GAK: variants seen among roughly 807,000 people sequenced by gnomAD.
GAK encodes the protein cyclin-G-associated kinase.
In GAK, 79 loss-of-function variants were observed where a neutral mutation model predicts 143.9. The ratio of observed to expected loss-of-function variants is 0.55; its 90% CI spans 0.46 to 0.66. GAK has a LOEUF of 0.66. Among genes scored for constraint, GAK ranks in the 30% least tolerant of loss-of-function variants. GAK has a pLI of 0.00. For missense variants in GAK, 1,693 were observed against 1,779.7 expected (o/e 0.95, Z 0.88); for synonymous variants, 881 against 765.5 (o/e 1.15, Z -2.49).
At chr4:865,328 C>T (rs1750976676) in intron 22 of GAK, 84 bp from the exon 23 acceptor site, 1 of 1,569,706 alleles carries the variant, frequency 6.4e-7, no homozygotes, top group Non-Finnish European at 8.7e-7. Context: ...GTGCTCAGGG[C>T]CCTAGGAGCG....
At chr4:882,936 A>G (rs918927179) in intron 13 of GAK, 117 bp from the exon 14 acceptor site, 14 of 1,348,658 alleles carry the variant, frequency 1.0e-5, no homozygotes, top group Middle Eastern at 2.6e-4. Flanking sequence ...TGTCATGAAC[A>G]GGCGTCCACC....
intron 24 of GAK, chr4:859,393 A>G: frequency 6.6e-7 from 1 of 1,506,144 alleles, no homozygotes; most frequent in Non-Finnish European, 8.9e-7. Flanking sequence ...CAGCAGTGCC[A>G]GTGTCAGCAA....
intron 11 of GAK, chr4:886,754 C>A (rs1365983737): frequency 2.6e-5 from 4 of 152,240 alleles, no homozygotes; most frequent in African/African-American, 9.7e-5. Flanking sequence ...CTGCAGGAGC[C>A]ACAGCCCTGG....
intron 18 of GAK, among the ~76,000 whole-genome samples, chr4:871,891 G>T (rs896506836): frequency 6.6e-6 from 1 of 152,172 alleles, no homozygotes; most frequent in South Asian, 2.1e-4. Flanking sequence ...GCTCTCCAGC[G>T]GGCAGCAGGC....
chr4:908,252 C>A (rs1442649979), intron 4 of GAK, among the ~76,000 whole-genome samples: 1 of 152,194 alleles, frequency 6.6e-6, no homozygotes, highest in Non-Finnish European at 1.5e-5. Flanking sequence ...GCAAGGCTCA[C>A]ACAGCAGGCA....
chr4:894,656 G>A (rs890344771), intron 7 of GAK: 1 of 152,306 alleles, frequency 6.6e-6, no homozygotes, highest in Admixed American at 6.5e-5. Flanking sequence ...CCAGGTGACA[G>A]TGTTAAACGG....
intron 1 of GAK, among the ~76,000 whole-genome samples, chr4:928,038 C>A (rs1420261930): frequency 6.6e-6 from 1 of 152,208 alleles, no homozygotes; most frequent in Non-Finnish European, 1.5e-5. Context: ...GGCTACAAGG[C>A]TGGCTCGCCA....
chr4:877,239 A>G, intron 16 of GAK, 32 bp from the exon 17 acceptor site: 1 of 1,404,328 alleles, frequency 7.1e-7, no homozygotes, highest in South Asian at 1.2e-5. Context: ...AAAAATTTTA[A>G]AAACCCCCAA....
At chr4:864,548 G>A (rs904466155) in intron 23 of GAK, among the ~76,000 whole-genome samples, 12 of 152,168 alleles carry the variant, frequency 7.9e-5, no homozygotes, top group Admixed American at 2.6e-4. Context: ...ACCAGACGCC[G>A]CGGGAGGGCC....
intron 11 of GAK, chr4:888,629 G>A: frequency 1.7e-6 from 1 of 574,316 alleles, no homozygotes; most frequent in Non-Finnish European, 3.0e-6. Flanking sequence ...GCAGGGCCTT[G>A]CCCCCCAGGC....
intron 4 of GAK, among the ~76,000 whole-genome samples, chr4:905,684 A>G (rs540258603): frequency 6.9e-6 from 1 of 145,900 alleles, no homozygotes; most frequent in Non-Finnish European, 1.5e-5. Context: ...CACATTACAG[A>G]CGCCACACCA....
At chr4:879,608 TTGCAGGAGTTCTGACCGGTA>T (rs1714688090) in intron 15 of GAK, among the ~76,000 whole-genome samples, 1 of 152,226 alleles carries the variant, frequency 6.6e-6, no homozygotes, top group Non-Finnish European at 1.5e-5. Flanking sequence ...TGTGCTCGGT[TTGCAGGAGTTCTGACCGGTA>T]TGCACCCGAG....
chr4:884,104 A>G lies in GAK; in HGVS notation c.1206-18T>C, dbSNP rs778832307. The G allele has an allele frequency of 8.7e-6, 14 of 1,611,038 alleles. No individual in the cohort carries two copies. In the South Asian group the frequency reaches 1.5e-4, roughly 18 times the overall value. On this transcript the variant is annotated intron_variant, in intron 11 of 27. Transcript: ENST00000314167. ...TTGCATAACTGGAATTAAAAAGAAG[A>G]GAACTTGGTTATGACAAGAAACACT...
At position 884,069 on chromosome 4, in the gene GAK, A is replaced by G; in HGVS notation, c.1223T>C (p.Leu408Pro). 6.2e-7 allele frequency: 1 copy of G among 1,613,834 alleles called. No individual in the cohort carries two copies. The highest frequency in any genetic ancestry group is 1.7e-5 in the Admixed American group (1 of 60,022). ...TCTGGATGTGATGTAAGATATGTCC[A>G]GGTCACCCTTTGCATAACTGGAATT... ...QSVANYAKGDLDISYITSRIA... is the reference protein window; with the variant it reads ...QSVANYAKGDPDISYITSRIA... Residue 408 changes from leucine (L) to proline (P), a missense_variant, in exon 12 of 28, where the codon CTG (leucine) becomes CCG (proline). Around this residue, in one of 2 missense-constraint regions of GAK, gnomAD observed 871 missense variants for 991.0 expected, o/e 0.88. Transcript: ENST00000314167.
chr4:924,782 T>C (rs1316690363), intron 1 of GAK, among the ~76,000 whole-genome samples: 2 of 151,180 alleles, frequency 1.3e-5, no homozygotes, highest in East Asian at 2.0e-4. Context: ...GCTCTCAGGA[T>C]AGTGAGTGCT....
chr4:896,325 G>T, intron 7 of GAK, 135 bp downstream of exon 7: 1 of 676,576 alleles, frequency 1.5e-6, no homozygotes, highest in South Asian at 1.7e-5. Context: ...AAAGGAAAAA[G>T]AAAAGGGGAC....
chr4:912,229 G>A, intron 3 of GAK: 2 of 446,002 alleles, frequency 4.5e-6, no homozygotes, highest in African/African-American at 2.0e-5. Flanking sequence ...AAGACTCCAG[G>A]CTCAGGAGGG....
At chr4:864,096 C>T (rs1009214136) in intron 23 of GAK, among the ~76,000 whole-genome samples, 2 of 152,348 alleles carry the variant, frequency 1.3e-5, no homozygotes, top group South Asian at 2.1e-4. Context: ...CAGTGGCTCA[C>T]GCCTGTAATC....
intron 21 of GAK, 127 bp from the exon 22 acceptor site, chr4:866,661 C>A: frequency 9.8e-7 from 1 of 1,017,882 alleles, no homozygotes; most frequent in Non-Finnish European, 1.4e-6. Context: ...CGGCTGCCCT[C>A]GCAGGGGCAC....
Sources: gnomAD v4.1 joint callset for allele counts (sites outside exome capture counted in the v4.1 genomes callset) on GRCh38, gnomAD v4.1.1 for gene constraint, gnomAD v4.1.1 regional missense constraint, MANE v1.5 for transcripts, NCBI Gene and HGNC (gene_info 2026-07-23, HGNC 2026-07-21) for gene names.